The following SLC5A2 variants were observed in gnomAD, a reference collection of about 807,000 sequenced individuals.
SLC5A2 encodes sodium/glucose cotransporter 2.
Under a neutral mutation model 69.0 loss-of-function variants are expected in SLC5A2, and 67 were observed. The observed-to-expected ratio is 0.97, with a 90% CI of 0.80 to 1.19. The LOEUF (loss-of-function observed/expected upper bound fraction) is 1.19, where lower values mean the gene tolerates loss of function less well. SLC5A2 is among the 50% of genes most tolerant of loss of function. The pLI is 0.00. For missense variants in SLC5A2, 1,001 were observed against 921.5 expected, an observed-to-expected ratio of 1.09 and a Z score of -1.12; for synonymous variants, 455 against 395.8, an observed-to-expected ratio of 1.15 and a Z score of -1.78.
Position 31,487,650 on chromosome 16 carries a change from G to C in SLC5A2, c.776G>C (p.Arg259Pro). 1.2e-6 allele frequency: 2 copies of C among 1,613,822 alleles called. No homozygotes were observed. Among genetic ancestry groups the C allele is most frequent in the Non-Finnish European group, 1.7e-6 (2 of 1,180,004 alleles). Residue 259 changes from arginine (R) to proline (P), a missense_variant, in exon 7 of 14, where the codon CGG (arginine) becomes CCG (proline). By Grantham distance (103) the Arg-to-Pro change is moderately radical (BLOSUM62 -2). Coordinates refer to ENST00000330498, the MANE Select transcript of SLC5A2 (RefSeq NM_003041.4). Reference protein sequence around the residue: ...GNISSFCYRPRPDSYHLLRHP... With the variant: ...GNISSFCYRPPPDSYHLLRHP... Reference sequence around the variant, plus strand: ...ATCTCCAGCTTCTGCTATCGACCCCGGCCCGACTCCTACCACCTGCTCCGG... The same window carrying C: ...ATCTCCAGCTTCTGCTATCGACCCCCGCCCGACTCCTACCACCTGCTCCGG...
At position 31,490,374 on chromosome 16, in the gene SLC5A2, G is replaced by C. The variant is rs747550379; in HGVS notation, c.1858G>C (p.Gly620Arg). The change falls in exon 14 of 14, where the codon GGT becomes CGT. Residue 620 changes from glycine to arginine, a missense_variant. Gly to Arg is a moderately radical substitution (Grantham distance 125). Coordinates refer to ENST00000330498, the MANE Select transcript of SLC5A2 (RefSeq NM_003041.4). ...CLLWFCGMSR[G>R]GVGSPPPLTQ... is the part of the protein sequence containing the mutation. ...GCTCTGGTTTTGTGGAATGAGCAGA[G>C]GTGGGGTGGGCAGTCCTCCGCCCCT... 4.3e-6 allele frequency: 7 copies of C among 1,613,198 alleles called. No individual in the cohort carries two copies. Among genetic ancestry groups the C allele is most frequent in the Non-Finnish European group, 5.1e-6 (6 of 1,179,744 alleles).
chr16:31,490,040 A>G (rs972155479), intron 12 of SLC5A2, 64 bp from the exon 13 acceptor site: 3 of 1,607,982 alleles, frequency 1.9e-6, no homozygotes, highest in Non-Finnish European at 2.5e-6. Context: ...GGTGTGCAAG[A>G]GACTTTAGGG....
intron 4 of SLC5A2, 37 bp from the exon 5 acceptor site, chr16:31,486,133 C>A: frequency 6.6e-7 from 1 of 1,510,930 alleles, no homozygotes; most frequent in Non-Finnish European, 9.2e-7. Flanking sequence ...GGGGACACTG[C>A]CCTGGGTCCT....
rs775131993 is a variant in SLC5A2 at position 31,490,129 on chromosome 16, G to A, written c.1691G>A (p.Arg564Gln). 29 of 1,614,052 alleles carry A rather than the reference G, an allele frequency of 1.8e-5. No homozygotes were observed. The Admixed American group carries it at 1.8e-4, about 10-fold the overall frequency. ...KHLHRLVFSL[R>Q]HSKEEREDLD... ...CTCCACCGCCTGGTCTTCAGTCTCC[G>A]GCATAGCAAGGAGGAACGGGAGGAC... Residue 564 changes from arginine to glutamine, a missense_variant, in exon 13 of 14, where the codon CGG (arginine) becomes CAG (glutamine). Transcript: ENST00000330498.
chr16:31,487,573 C>A lies in SLC5A2; in HGVS notation c.699C>A (p.Tyr233Ter). Residue 233 changes from tyrosine (Y) to a stop codon, truncating the protein, a stop_gained, in exon 7 of 14, where the codon TAC becomes TAA. Coordinates refer to ENST00000330498, the MANE Select transcript of SLC5A2 (RefSeq NM_003041.4). LOFTEE classifies it high-confidence loss of function. ...GGTATTCGGGTCTCTTCGACAAATA[C>A]CTGGGAGCAGCGACTTCGCTGACGG... Reference protein sequence around the residue: ...VGGYSGLFDKYLGAATSLTVS... With the variant: ...VGGYSGLFDK The A allele has an allele frequency of 6.2e-7, 1 of 1,613,952 alleles. No individual in the cohort carries two copies. The highest frequency in any genetic ancestry group is 8.5e-7 in the Non-Finnish European group (1 of 1,179,990).
intron 1 of SLC5A2, among the ~76,000 whole-genome samples, chr16:31,484,052 G>A (rs997754334): frequency 6.6e-6 from 1 of 152,110 alleles, no homozygotes; most frequent in Non-Finnish European, 1.5e-5. Context: ...TCATGTCACT[G>A]CACTCCAGCC....
intron 12 of SLC5A2, 55 bp from the exon 13 acceptor site, chr16:31,490,049 G>A (rs1188314864): frequency 2.5e-6 from 4 of 1,610,124 alleles, no homozygotes; most frequent in African/African-American, 1.3e-5. Context: ...GAGACTTTAG[G>A]GCCAGGCATG....
chr16:31,484,632 C>T (rs1480916211), intron 1 of SLC5A2, 41 bp from the exon 2 acceptor site: 3 of 1,588,990 alleles, frequency 1.9e-6, no homozygotes, highest in Non-Finnish European at 1.7e-6. Context: ...AGGTCCAAGG[C>T]TGTGCCCTAA....
intron 12 of SLC5A2, 195 bp downstream of exon 12, chr16:31,489,533 G>A (rs1458420181): frequency 3.2e-6 from 2 of 630,060 alleles, no homozygotes; most frequent in Non-Finnish European, 5.6e-6. Flanking sequence ...GGGGAGGCTT[G>A]ATGTTGATGG....
chr16:31,487,677 A>G lies in SLC5A2; in HGVS notation c.803A>G (p.His268Arg). ...PRPDSYHLLR[H>R]PVTGDLPWPA... ...CCCGACTCCTACCACCTGCTCCGGC[A>G]CCCCGTGACCGGGGATCTGCCGTGG... Residue 268 changes from histidine to arginine, a missense_variant, in exon 7 of 14, where the codon CAC (histidine) becomes CGC (arginine). His to Arg is a conservative substitution (Grantham distance 29, BLOSUM62 0). Coordinates refer to ENST00000330498, the MANE Select transcript of SLC5A2 (RefSeq NM_003041.4). 6.2e-7 allele frequency: 1 copy of G among 1,613,436 alleles called. No homozygotes were observed. The highest frequency in any genetic ancestry group is 8.5e-7 in the Non-Finnish European group (1 of 1,179,958).
Position 31,488,950 on chromosome 16 carries a change from C to A in SLC5A2, c.1351C>A (p.Gln451Lys). 2 of 1,603,452 alleles carry A rather than the reference C, an allele frequency of 1.2e-6. No individual in the cohort carries two copies. Among genetic ancestry groups the A allele is most frequent in the South Asian group, 1.1e-5 (1 of 91,078 alleles). ...LPVVQAAQGG[Q>K]LFDYIQAVSS... is the part of the protein sequence containing the mutation. ...CGTGGTGCAGGCGGCACAGGGCGGG[C>A]AGCTCTTCGATTACATCCAGGCAGT... is the stretch of plus-strand genomic sequence containing the variant. Residue 451 changes from glutamine (Q) to lysine (K), a missense_variant, in exon 11 of 14, where the codon CAG becomes AAG. Coordinates refer to ENST00000330498, the MANE Select transcript of SLC5A2 (RefSeq NM_003041.4).
chr16:31,489,961 TG>T (rs1371349139), intron 12 of SLC5A2, 142 bp from the exon 13 acceptor site: 17 of 1,067,254 alleles, frequency 1.6e-5, no homozygotes, highest in Non-Finnish European at 9.8e-6. Flanking sequence ...AGGGTGGAGT[TG>T]GCATGAGTTA....
chr16:31,489,699 G>T, intron 12 of SLC5A2: 1 of 461,018 alleles, frequency 2.2e-6, no homozygotes, highest in Non-Finnish European at 4.0e-6. Context: ...GGCTGATGGT[G>T]GCAGGGTGGG....
Position 31,490,592 on chromosome 16 carries a change from C to T in SLC5A2, c.*57C>T. On this transcript the variant is annotated 3_prime_UTR_variant, in exon 14 of 14. Coordinates refer to ENST00000330498, the MANE Select transcript of SLC5A2 (RefSeq NM_003041.4). ...CCTCACAGGAAGTGGGGGTGAGGAG[C>T]CTGCGGTGCTCCCCAGAAAAGGGGA... 2 of 1,422,412 alleles carry T rather than the reference C, an allele frequency of 1.4e-6. No individual in the cohort carries two copies. The highest frequency in any genetic ancestry group is 9.8e-7 in the Non-Finnish European group (1 of 1,022,670). 88.1% of individuals were successfully genotyped at this position (1,422,412 alleles called of 1,614,324 possible). A position where few individuals can be genotyped will look rare whatever the true frequency, so the allele number is the denominator to read the frequency against.
Position 31,490,376 on chromosome 16 carries a change from T to G in SLC5A2, c.1860T>G (p.Gly620=), listed in dbSNP as rs1208788536. ...CLLWFCGMSR[G]GVGSPPPLTQ... is the part of the protein sequence containing the mutation. ...TCTGGTTTTGTGGAATGAGCAGAGG[T>G]GGGGTGGGCAGTCCTCCGCCCCTTA... Residue 620 remains glycine (G), a synonymous_variant, in exon 14 of 14, where the codon GGT becomes GGG. Coordinates refer to ENST00000330498, the MANE Select transcript of SLC5A2 (RefSeq NM_003041.4). 6.2e-7 allele frequency: 1 copy of G among 1,612,902 alleles called. No individual in the cohort carries two copies. Among genetic ancestry groups the G allele is most frequent in the Non-Finnish European group, 8.5e-7 (1 of 1,179,682 alleles).
chr16:31,488,120 C>A lies in SLC5A2; in HGVS notation c.968C>A (p.Thr323Lys), dbSNP rs764563027. ...ATCCTGTGTGGGTACCTGAAGCTGA[C>A]GCCCATGTTTCTCATGGTCATGCCA... is the stretch of plus-strand genomic sequence containing the variant. ...GCILCGYLKL[T>K]PMFLMVMPGM... The change falls in exon 8 of 14, where the codon ACG (threonine) becomes AAG (lysine). Residue 323 changes from threonine to lysine, a missense_variant. Transcript: ENST00000330498. The A allele has an allele frequency of 7.4e-5, 120 of 1,613,966 alleles. No homozygotes were observed. The highest frequency in any genetic ancestry group is 1.0e-4 in the Non-Finnish European group (118 of 1,179,982).
intron 1 of SLC5A2, 120 bp downstream of exon 1, chr16:31,483,382 TG>T (rs1252349149): frequency 7.6e-7 from 1 of 1,317,648 alleles, no homozygotes; most frequent in African/African-American, 1.4e-5. Flanking sequence ...AACCTAGGCC[TG>T]GGGGCAAGCA....
In SLC5A2 at chr16:31,484,987, G is replaced by A. The variant is rs1289649412; in HGVS notation, c.303+64G>A. The A allele has an allele frequency of 4.2e-6, 6 of 1,430,438 alleles. No homozygotes were observed. In the Admixed American group the frequency reaches 1.1e-4, roughly 27 times the overall value. 88.6% of individuals were successfully genotyped at this position (1,430,438 alleles called of 1,614,324 possible). On this transcript the variant is annotated intron_variant, in intron 3 of 13. Transcript: ENST00000330498. ...AGAACACCTGGAAGGGTCACACCTT[G>A]GGGAAACTCCAGGAAAGGGGGAATG...
At chr16:31,485,480 C>A (rs968754004) in intron 3 of SLC5A2, 6 of 585,928 alleles carry the variant, frequency 1.0e-5, no homozygotes, top group Non-Finnish European at 1.8e-5. Flanking sequence ...ATCATAGGGA[C>A]AACATTGGGA....
Sources: gnomAD v4.1 joint callset for allele counts (sites outside exome capture counted in the v4.1 genomes callset) on GRCh38, gnomAD v4.1.1 for gene constraint, MANE v1.5 for transcripts, NCBI Gene and HGNC (gene_info 2026-07-23, HGNC 2026-07-21) for gene names.